Variants in RASEF observed in about 807,000 individuals in gnomAD.
RASEF encodes the protein RAS and EF-hand domain containing.
Under a neutral mutation model 90.1 loss-of-function variants are expected in RASEF, and 68 were observed. The observed-to-expected ratio is 0.75, with a 90% CI of 0.62 to 0.92. The LOEUF is 0.92. Ranked by LOEUF, RASEF falls within the 40% of genes least tolerant of loss-of-function variation. The probability of loss-of-function intolerance (pLI) is 0.00; values close to 1 mark genes in which losing one functional copy is unlikely to be tolerated. For synonymous variants in RASEF, 331 were observed against 345.2 expected, an observed-to-expected ratio of 0.96 and a Z score of 0.46; for missense variants, 949 against 937.2, an observed-to-expected ratio of 1.01 and a Z score of -0.16.
At chr9:82,987,603 T>C (rs1828731477) in intron 16 of RASEF, among the ~76,000 whole-genome samples, 1 of 152,158 alleles carries the variant, frequency 6.6e-6, no homozygotes, top group African/African-American at 2.4e-5. Flanking sequence ...GCCTCTCCCA[T>C]CTTTATGACA....
the RASEF span, among the ~76,000 whole-genome samples, chr9:83,167,739 T>C: frequency 6.6e-6 from 1 of 152,152 alleles, no homozygotes; most frequent in Non-Finnish European, 1.5e-5. Context: ...AATTTGCCTA[T>C]TCTGGACATT....
chr9:83,193,942 G>A, the RASEF span, among the ~76,000 whole-genome samples: 1 of 152,204 alleles, frequency 6.6e-6, no homozygotes, highest in African/African-American at 2.4e-5. Flanking sequence ...TAGGTGGACT[G>A]CAAGTGAAAG....
At chr9:83,070,102 A>T in the RASEF span, among the ~76,000 whole-genome samples, 2,308 of 150,626 alleles carry the variant, frequency 0.015, 27 homozygotes, top group Non-Finnish European at 0.021. Flanking sequence ...ACATTTTTTT[A>T]ATGGTAACTT....
the RASEF span, among the ~76,000 whole-genome samples, chr9:83,204,966 C>T: frequency 2.0e-5 from 3 of 152,256 alleles, no homozygotes; most frequent in African/African-American, 7.2e-5. Flanking sequence ...ATATTATATC[C>T]ATTTTACAGA....
the RASEF span, among the ~76,000 whole-genome samples, chr9:83,090,673 T>A: frequency 1.3e-5 from 2 of 152,110 alleles, no homozygotes; most frequent in African/African-American, 4.8e-5. Flanking sequence ...GTGCTGGGAT[T>A]ACAGGTGTGT....
At chr9:82,991,926 G>T (rs1217255612) in intron 15 of RASEF, among the ~76,000 whole-genome samples, 1 of 152,168 alleles carries the variant, frequency 6.6e-6, no homozygotes, top group East Asian at 1.9e-4. Flanking sequence ...ACGAGGGCAA[G>T]GACTGTTTGC....
At chr9:83,061,832 CGTCT>C (rs1229449817) in intron 1 of RASEF, among the ~76,000 whole-genome samples, 1 of 152,232 alleles carries the variant, frequency 6.6e-6, no homozygotes, top group Non-Finnish European at 1.5e-5. Context: ...AGTCCCTTAA[CGTCT>C]GTCTAATTTC....
chr9:83,057,290 TAA>T (rs1287421444), intron 1 of RASEF, among the ~76,000 whole-genome samples: 1 of 152,172 alleles, frequency 6.6e-6, no homozygotes, highest in East Asian at 1.9e-4. Context: ...TAGAAAACCC[TAA>T]AGACTCCTAT....
chr9:82,998,737 T>TTGTG (rs140716164), intron 12 of RASEF, among the ~76,000 whole-genome samples: 3 of 150,392 alleles, frequency 2.0e-5, no homozygotes, highest in Non-Finnish European at 4.5e-5. Context: ...TCAGTCATAT[T>TTGTG]TGTGTGTGTG....
the RASEF span, among the ~76,000 whole-genome samples, chr9:83,122,412 A>G: frequency 1.0e-3 from 156 of 152,364 alleles, 2 homozygotes; most frequent in African/African-American, 3.6e-3. Flanking sequence ...AGAAGCCAAC[A>G]GCTGAGGTGT....
chr9:82,995,612 A>AT (rs1274045235), intron 14 of RASEF, among the ~76,000 whole-genome samples: 1 of 152,008 alleles, frequency 6.6e-6, no homozygotes, highest in African/African-American at 2.4e-5. Flanking sequence ...TGCCTGGGTA[A>AT]TTTTTGTATT....
the RASEF span, among the ~76,000 whole-genome samples, chr9:83,174,187 T>C: frequency 1.3e-5 from 2 of 152,096 alleles, no homozygotes; most frequent in Non-Finnish European, 2.9e-5. Flanking sequence ...TTTTTCCTTT[T>C]GTTGCTTATG....
At chr9:83,123,767 C>T in the RASEF span, among the ~76,000 whole-genome samples, 1 of 152,214 alleles carries the variant, frequency 6.6e-6, no homozygotes, top group Non-Finnish European at 1.5e-5. Flanking sequence ...ATTAACGTAA[C>T]AGCAAGAACA....
At chr9:83,085,321 A>ATTT in the RASEF span, among the ~76,000 whole-genome samples, 1 of 152,246 alleles carries the variant, frequency 6.6e-6, no homozygotes. Flanking sequence ...ATGACATGAA[A>ATTT]TCATTCAAGC....
chr9:83,188,492 G>A, the RASEF span, among the ~76,000 whole-genome samples: 1 of 152,174 alleles, frequency 6.6e-6, no homozygotes, highest in African/African-American at 2.4e-5. Context: ...GGGAAAATAT[G>A]CAAATCCATA....
At chr9:83,068,123 C>T (rs1830297285), upstream of RASEF, among the ~76,000 whole-genome samples, 1 of 152,216 alleles carries the variant, frequency 6.6e-6, no homozygotes, top group African/African-American at 2.4e-5. Context: ...CCGCCTGACT[C>T]GGCCTTCTGA....
the RASEF span, among the ~76,000 whole-genome samples, chr9:83,180,036 G>T: frequency 7.3e-6 from 1 of 136,084 alleles, no homozygotes; most frequent in African/African-American, 2.6e-5. Flanking sequence ...CACCCTTAGA[G>T]AGTGCATTCA....
chr9:83,209,724 T>A, the RASEF span, among the ~76,000 whole-genome samples: 1 of 152,234 alleles, frequency 6.6e-6, no homozygotes, highest in African/African-American at 2.4e-5. Context: ...ACTAAAAGTA[T>A]AATGACGAAA....
the RASEF span, among the ~76,000 whole-genome samples, chr9:83,113,790 G>C: frequency 6.6e-6 from 1 of 152,154 alleles, no homozygotes; most frequent in African/African-American, 2.4e-5. Context: ...CCTGTTTCCT[G>C]TTAAGATGTT....
Sources: allele counts gnomAD v4.1 joint callset (sites outside exome capture counted in the v4.1 genomes callset), GRCh38; gene constraint gnomAD v4.1.1; transcripts MANE v1.5; gene names NCBI Gene and HGNC (gene_info 2026-07-23, HGNC 2026-07-21).